KCNB2: variants seen among roughly 807,000 people sequenced by gnomAD.
KCNB2 encodes delayed rectifier potassium channel protein.
KCNB2 carries 15 observed loss-of-function variants against 61.5 expected under a neutral mutation model. The observed-to-expected ratio is 0.24, with a 90% CI of 0.16 to 0.38. KCNB2 has a LOEUF of 0.38. KCNB2 is among the 10% of genes least tolerant of loss of function. The probability of loss-of-function intolerance (pLI) is 1.00; values close to 1 mark genes in which losing one functional copy is unlikely to be tolerated. For synonymous variants in KCNB2, 457 were observed against 446.0 expected, an observed-to-expected ratio of 1.02 and a Z score of -0.31; for missense variants, 828 against 1,125.2, an observed-to-expected ratio of 0.74 and a Z score of 3.78.
At chr8:72,658,438 C>T (rs1032504219) in intron 2 of KCNB2, among the ~76,000 whole-genome samples, 2 of 152,110 alleles carry the variant, frequency 1.3e-5, no homozygotes, top group African/African-American at 4.8e-5. Flanking sequence ...TCTGTTCATG[C>T]TGTTAAAAGA....
intron 2 of KCNB2, among the ~76,000 whole-genome samples, chr8:72,891,528 C>T (rs1461333911): frequency 6.6e-6 from 1 of 152,226 alleles, no homozygotes; most frequent in African/African-American, 2.4e-5. Context: ...AAAAGAATCA[C>T]ATCCTTTCCA....
chr8:72,815,529 C>A (rs767925225), intron 2 of KCNB2, among the ~76,000 whole-genome samples: 1 of 152,156 alleles, frequency 6.6e-6, no homozygotes, highest in Non-Finnish European at 1.5e-5. Context: ...TCTATTGTAT[C>A]TCCATTGCTT....
chr8:72,827,281 C>T lies in KCNB2; in HGVS notation c.580-108654C>T, dbSNP rs540268843. On this transcript the variant is annotated intron_variant, in intron 2 of 2. Coordinates refer to ENST00000523207, the MANE Select transcript of KCNB2 (RefSeq NM_004770.3). ...GATGTATGCTAGGAAGTCAATATGA[C>T]ATTGAGATTTTTTTCCCACAAGAAA... 8.5e-5 allele frequency among the ~76,000 whole-genome samples: 13 copies of T among 152,196 alleles called. 1 individual carries two copies. Among genetic ancestry groups the T allele is most frequent in the African/African-American group, 2.2e-4 (9 of 41,542 alleles).
rs188102271 is a variant in KCNB2 at position 72,835,543 on chromosome 8, G to C, written c.580-100392G>C. 1.5e-3 allele frequency among the ~76,000 whole-genome samples: 228 copies of C among 152,240 alleles called. 1 individual carries two copies. The highest frequency in any genetic ancestry group is 5.1e-3 in the African/African-American group (210 of 41,546). On this transcript the variant is annotated intron_variant, in intron 2 of 2. Transcript: ENST00000523207. ...ACTGAGAGCTACGGGAACTGGACTT[G>C]ACAATACTTACTGTACTTCAAAATA...
At chr8:72,822,451 C>T (rs774088365) in intron 2 of KCNB2, among the ~76,000 whole-genome samples, 10 of 152,286 alleles carry the variant, frequency 6.6e-5, no homozygotes, top group Admixed American at 1.3e-4. Flanking sequence ...ACAGGCTCTA[C>T]GCTTAAGTGT....
intron 2 of KCNB2, among the ~76,000 whole-genome samples, chr8:72,610,318 A>C (rs1482730738): frequency 6.6e-6 from 1 of 152,206 alleles, no homozygotes; most frequent in Non-Finnish European, 1.5e-5. Context: ...ATGTGCTTAA[A>C]AACCGAACTC....
At chr8:72,831,452 A>G (rs1585918323) in intron 2 of KCNB2, among the ~76,000 whole-genome samples, 1 of 152,274 alleles carries the variant, frequency 6.6e-6, no homozygotes. Context: ...CTCTAGAAGG[A>G]CTGTAGATTG....
At chr8:72,790,472 T>C (rs968289896) in intron 2 of KCNB2, among the ~76,000 whole-genome samples, 1 of 152,258 alleles carries the variant, frequency 6.6e-6, no homozygotes, top group South Asian at 2.1e-4. Context: ...AGGAGGTCAC[T>C]GATGACACTG....
At chr8:72,657,142 C>T (rs1379309148) in intron 2 of KCNB2, among the ~76,000 whole-genome samples, 1 of 152,116 alleles carries the variant, frequency 6.6e-6, no homozygotes, top group Admixed American at 6.6e-5. Flanking sequence ...GTGCAAACTA[C>T]ACAGATTGAA....
At chr8:72,838,846 G>T (rs1809828819) in intron 2 of KCNB2, among the ~76,000 whole-genome samples, 1 of 152,184 alleles carries the variant, frequency 6.6e-6, no homozygotes, top group African/African-American at 2.4e-5. Context: ...ATTTCTAGGT[G>T]TTTGAAGCCA....
At chr8:72,778,733 CAAAA>C (rs753797385) in intron 2 of KCNB2, among the ~76,000 whole-genome samples, 6 of 14,166 alleles carry the variant, frequency 4.2e-4, no homozygotes, top group African/African-American at 6.3e-4. Flanking sequence ...ACAGAGCGAG[CAAAA>C]AAAAAAAAAA....
chr8:72,642,817 T>A (rs1195884577), intron 2 of KCNB2, among the ~76,000 whole-genome samples: 2 of 152,210 alleles, frequency 1.3e-5, no homozygotes, highest in African/African-American at 4.8e-5. Context: ...GTTTGTGTAA[T>A]CTTTTGGCCA....
chr8:72,756,177 A>T (rs1278618519), intron 2 of KCNB2, among the ~76,000 whole-genome samples: 3 of 152,186 alleles, frequency 2.0e-5, no homozygotes, highest in Admixed American at 6.5e-5. Context: ...AGCAGGTCAC[A>T]GCCTTCCACG....
chr8:72,866,071 C>A (rs1371984511), intron 2 of KCNB2, among the ~76,000 whole-genome samples: 1 of 152,170 alleles, frequency 6.6e-6, no homozygotes, highest in Non-Finnish European at 1.5e-5. Flanking sequence ...TGCACATTGT[C>A]ATTCAGATGT....
chr8:72,735,010 G>A (rs1396449839), intron 2 of KCNB2, among the ~76,000 whole-genome samples: 2 of 152,148 alleles, frequency 1.3e-5, no homozygotes, highest in African/African-American at 2.4e-5. Flanking sequence ...AGGACAAGAT[G>A]CATTTATCTG....
chr8:72,750,206 T>C (rs536101244), intron 2 of KCNB2: 1 of 152,278 alleles, frequency 6.6e-6, no homozygotes, highest in African/African-American at 2.4e-5. Context: ...TCTATTTTGT[T>C]ACATGTCACT....
intron 2 of KCNB2, among the ~76,000 whole-genome samples, chr8:72,712,485 T>G (rs917880916): frequency 3.9e-5 from 6 of 152,242 alleles, no homozygotes; most frequent in African/African-American, 1.4e-4. Context: ...TTTAGTTGGA[T>G]AATGTGGTTT....
chr8:72,598,287 TGG>T lies in KCNB2; in HGVS notation c.579+29975_579+29976del, dbSNP rs1313018921. Among the ~76,000 whole-genome samples the T allele has an allele frequency of 1.1e-3, 174 of 152,346 alleles. 5 individuals carry two copies. The East Asian group carries it at 0.031, about 27-fold the overall frequency. Reference sequence around the variant, plus strand: ...GGACTTCATCACTCAGATGCAAGGCTGGTTCAACATATGAAAATCAATAAACG... The same window carrying T: ...GGACTTCATCACTCAGATGCAAGGCTTTCAACATATGAAAATCAATAAACG... On this transcript the variant is annotated intron_variant, in intron 2 of 2. Coordinates refer to ENST00000523207, the MANE Select transcript of KCNB2 (RefSeq NM_004770.3).
intron 2 of KCNB2, among the ~76,000 whole-genome samples, chr8:72,651,461 T>C (rs1367818104): frequency 2.0e-5 from 3 of 152,098 alleles, no homozygotes; most frequent in African/African-American, 7.2e-5. Flanking sequence ...CATCAAACAC[T>C]AAAATAACTC....
Sources: gnomAD v4.1 joint callset for allele counts (sites outside exome capture counted in the v4.1 genomes callset) on GRCh38, gnomAD v4.1.1 for gene constraint, MANE v1.5 for transcripts, NCBI Gene and HGNC (gene_info 2026-07-23, HGNC 2026-07-21) for gene names.